ETV1: variants seen among roughly 807,000 people sequenced by gnomAD.
ETV1 encodes the protein ETS variant transcription factor 1, also known as ETS translocation variant 1.
In ETV1, 27 loss-of-function variants were observed where a neutral mutation model predicts 62.3. The observed-to-expected ratio is 0.43, with a 90% CI of 0.32 to 0.60. The LOEUF (loss-of-function observed/expected upper bound fraction) is 0.60, where lower values mean the gene tolerates loss of function less well. Ranked by LOEUF, ETV1 falls within the 20% of genes least tolerant of loss-of-function variation. The pLI, the probability that ETV1 is intolerant of heterozygous loss-of-function variation, is 0.06. For synonymous variants in ETV1, 222 were observed against 199.6 expected (o/e 1.11, Z -0.94); for missense variants, 605 against 605.8 (o/e 1.00, Z 0.01).
chr7:13,977,941 C>T (rs1420140178), intron 5 of ETV1, among the ~76,000 whole-genome samples: 1 of 152,038 alleles, frequency 6.6e-6, no homozygotes, highest in African/African-American at 2.4e-5. Context: ...GAAACGTCTG[C>T]TGGTATGTTC....
intron 9 of ETV1, among the ~76,000 whole-genome samples, chr7:13,914,580 T>C (rs942876533): frequency 6.9e-5 from 10 of 145,138 alleles, no homozygotes; most frequent in Admixed American, 2.1e-4. Context: ...GTAACATCAG[T>C]AAAGTTCTCT....
At chr7:13,907,346 A>T (rs1472555972) in intron 11 of ETV1, among the ~76,000 whole-genome samples, 1 of 152,008 alleles carries the variant, frequency 6.6e-6, no homozygotes, top group Non-Finnish European at 1.5e-5. Flanking sequence ...TTAACTTGCT[A>T]TTGTTTTTTC....
At chr7:13,918,919 G>T (rs1784514904) in intron 9 of ETV1, among the ~76,000 whole-genome samples, 2 of 149,764 alleles carry the variant, frequency 1.3e-5, no homozygotes, top group Non-Finnish European at 3.0e-5. Flanking sequence ...TCTCTTGCTG[G>T]ACTAGCACAA....
intron 13 of ETV1, among the ~76,000 whole-genome samples, chr7:13,898,898 C>T (rs895705486): frequency 7.2e-5 from 11 of 152,142 alleles, no homozygotes; most frequent in African/African-American, 2.7e-4. Flanking sequence ...ACTCAGGAGG[C>T]TGAGGCAGGA....
At chr7:13,950,932 AC>A (rs1562668064) in intron 6 of ETV1, among the ~76,000 whole-genome samples, 28 of 148,052 alleles carry the variant, frequency 1.9e-4, no homozygotes, top group African/African-American at 4.9e-4. Context: ...ACACACACAC[AC>A]ACACACACAA....
chr7:13,923,375 T>C (rs116914326), intron 9 of ETV1, among the ~76,000 whole-genome samples: 3,782 of 152,266 alleles, frequency 0.025, 71 homozygotes, highest in Middle Eastern at 0.061. Context: ...CAGCAAAACA[T>C]AGAATAACAT....
chr7:13,928,822 G>C (rs112895373), intron 9 of ETV1, among the ~76,000 whole-genome samples: 10 of 152,224 alleles, frequency 6.6e-5, no homozygotes, highest in African/African-American at 2.4e-4. Flanking sequence ...GCCGGGTGTG[G>C]TGGTGGGTGC....
chr7:13,949,131 T>C (rs1305442929), intron 6 of ETV1, among the ~76,000 whole-genome samples: 1 of 150,702 alleles, frequency 6.6e-6, no homozygotes, highest in Non-Finnish European at 1.5e-5. Context: ...AAAGTGCTTG[T>C]AAAAAAAAAT....
intron 6 of ETV1, among the ~76,000 whole-genome samples, chr7:13,972,283 T>G (rs928408832): frequency 4.6e-5 from 7 of 151,830 alleles, no homozygotes; most frequent in African/African-American, 1.2e-4. Context: ...AATACAAAAA[T>G]TGGCCGGGCA....
At chr7:13,903,599 C>A (rs1443132191) in intron 12 of ETV1, among the ~76,000 whole-genome samples, 1 of 151,750 alleles carries the variant, frequency 6.6e-6, no homozygotes, top group Non-Finnish European at 1.5e-5. Context: ...CCCGTCCCTA[C>A]TAAAAATACA....
intron 6 of ETV1, among the ~76,000 whole-genome samples, chr7:13,950,324 A>C (rs187610705): frequency 3.0e-4 from 45 of 152,238 alleles, no homozygotes; most frequent in Non-Finnish European, 5.4e-4. Context: ...CTCGAAACTC[A>C]TTTCACAGAA....
In ETV1 at chr7:13,939,173, G is replaced by A. The variant is rs1441866933; in HGVS notation, c.309C>T (p.Cys103=). 4 of 1,613,192 alleles carry A rather than the reference G, an allele frequency of 2.5e-6. No individual in the cohort carries two copies. The highest frequency in any genetic ancestry group is 3.4e-6 in the Non-Finnish European group (4 of 1,179,596). Reference sequence around the variant, plus strand: ...TGAATTTAAAGGGCTGTTCTTGACTGCAGGCAGAGCTGATTTCTGAACATG... The same window carrying A: ...TGAATTTAAAGGGCTGTTCTTGACTACAGGCAGAGCTGATTTCTGAACATG... ...HSPCSEISSA[C]SQEQPFKFSY... is the part of the protein sequence containing the mutation. Residue 103 remains cysteine (C), a synonymous_variant, in exon 7 of 14, where the codon TGC becomes TGT. Transcript: ENST00000430479.
intron 11 of ETV1, 94 bp from the exon 12 acceptor site, chr7:13,906,693 A>G: frequency 1.2e-6 from 1 of 825,504 alleles, no homozygotes; most frequent in Non-Finnish European, 1.8e-6. Context: ...TGGTTAAACC[A>G]CAATCAACCA....
At chr7:13,973,755 T>C (rs1036768989) in intron 6 of ETV1, among the ~76,000 whole-genome samples, 1 of 152,192 alleles carries the variant, frequency 6.6e-6, no homozygotes, top group Non-Finnish European at 1.5e-5. Context: ...TGTTAAACTG[T>C]AAATATTCTC....
intron 6 of ETV1, among the ~76,000 whole-genome samples, chr7:13,955,022 CCTT>C (rs1158340654): frequency 6.6e-6 from 1 of 152,160 alleles, no homozygotes; most frequent in Non-Finnish European, 1.5e-5. Context: ...ACAATAAACA[CCTT>C]CTTAAAACGA....
chr7:13,893,980 A>G lies in ETV1; in HGVS notation c.*1886T>C, dbSNP rs997845440. 2 of 233,010 alleles carry G rather than the reference A, an allele frequency of 8.6e-6. No individual in the cohort carries two copies. Among genetic ancestry groups the G allele is most frequent in the Non-Finnish European group, 1.7e-5 (2 of 117,844 alleles). The allele number at this position is 233,010 out of a possible 1,614,324, so 14.4% of individuals were successfully genotyped here. ...AGTACTTTTTGTAGGATTAAATGTGAAGAGTAGCAATTTTGGTGTTTGGGT... is the reference window on the plus strand; with the variant it reads ...AGTACTTTTTGTAGGATTAAATGTGGAGAGTAGCAATTTTGGTGTTTGGGT... On this transcript the variant is annotated 3_prime_UTR_variant, in exon 14 of 14. Transcript: ENST00000430479.
chr7:13,946,184 T>C (rs532017769), intron 6 of ETV1, among the ~76,000 whole-genome samples: 1 of 152,318 alleles, frequency 6.6e-6, no homozygotes, highest in Non-Finnish European at 1.5e-5. Flanking sequence ...GTCAGATAAT[T>C]TATCTAGAAA....
chr7:13,987,332 TG>T (rs1261109307), intron 4 of ETV1, among the ~76,000 whole-genome samples: 1 of 152,062 alleles, frequency 6.6e-6, no homozygotes, highest in Non-Finnish European at 1.5e-5. Flanking sequence ...GGTATTTAAA[TG>T]GTATGAAGAT....
Position 13,906,719 on chromosome 7 carries a change from T to A in ETV1, c.941-120A>T, listed in dbSNP as rs1366832694. 17 of 645,440 alleles carry A rather than the reference T, an allele frequency of 2.6e-5. 1 individual carries two copies. In the East Asian group the frequency reaches 5.1e-4, roughly 19 times the overall value. 40.0% of individuals were successfully genotyped at this position (645,440 alleles called of 1,614,324 possible). ...CAATCAACCACTTTATGGGCATTTA[T>A]GAAATATATTATTACCATTAAAGAG... On this transcript the variant is annotated intron_variant, in intron 11 of 13. Transcript: ENST00000430479.
Sources: allele counts gnomAD v4.1 joint callset (sites outside exome capture counted in the v4.1 genomes callset), GRCh38; gene constraint gnomAD v4.1.1; transcripts MANE v1.5; gene names NCBI Gene and HGNC (gene_info 2026-07-23, HGNC 2026-07-21).